PXDN: variants seen among roughly 807,000 people sequenced by gnomAD.
PXDN encodes peroxidasin homolog.
Under a neutral mutation model 140.3 loss-of-function variants are expected in PXDN, and 77 were observed. That is an observed-to-expected ratio of 0.55 (90% CI 0.46 to 0.66). PXDN has a LOEUF of 0.66. Ranked by LOEUF, PXDN falls within the 30% of genes least tolerant of loss-of-function variation. PXDN has a pLI of 0.00. For synonymous variants in PXDN, 911 were observed against 857.4 expected (o/e 1.06, Z -1.09); for missense variants, 1,838 against 2,039.5 (o/e 0.90, Z 1.90).
In PXDN at chr2:1,648,101, A is replaced by C; in HGVS notation, c.3608+71T>G. The C allele has an allele frequency of 6.5e-7, 1 of 1,526,814 alleles. No individual in the cohort carries two copies. Among genetic ancestry groups the C allele is most frequent in the Non-Finnish European group, 8.9e-7 (1 of 1,122,862 alleles). 94.6% of individuals were successfully genotyped at this position (1,526,814 alleles called of 1,614,324 possible). ...AAACTCACACACAGAGACAAATAAC[A>C]CACACACCACAGTTCAGGTGTTCCA... On this transcript the variant is annotated intron_variant, in intron 17 of 22. Coordinates refer to ENST00000252804, the MANE Select transcript of PXDN (RefSeq NM_012293.3). This position sits in a 1 kb window ranked among gnomAD's most constrained non-coding sequence, Gnocchi z 8.9.
At chr2:1,637,252 G>C (rs1299227543) in intron 21 of PXDN, among the ~76,000 whole-genome samples, 2 of 152,198 alleles carry the variant, frequency 1.3e-5, no homozygotes, top group South Asian at 4.1e-4. Context: ...CCCCAGCACG[G>C]ACCCCAAGGG....
At chr2:1,650,359 C>T (rs905030262) in intron 16 of PXDN, among the ~76,000 whole-genome samples, 10 of 152,240 alleles carry the variant, frequency 6.6e-5, no homozygotes, top group Non-Finnish European at 1.0e-4. Flanking sequence ...AGCAAGCGCA[C>T]GCTCCCATGA....
chr2:1,638,226 G>T (rs1278201797), intron 21 of PXDN, among the ~76,000 whole-genome samples: 1 of 152,116 alleles, frequency 6.6e-6, no homozygotes, highest in Admixed American at 6.6e-5. Flanking sequence ...CTTCTATTTA[G>T]CCATAGGTCT....
chr2:1,690,306 G>A (rs947132493), intron 3 of PXDN, among the ~76,000 whole-genome samples: 3 of 152,068 alleles, frequency 2.0e-5, no homozygotes, highest in Admixed American at 1.3e-4. Context: ...CCACCACCAG[G>A]GACACCGCAG....
chr2:1,673,585 A>C, intron 9 of PXDN, 58 bp downstream of exon 9: 1 of 1,549,762 alleles, frequency 6.5e-7, no homozygotes, highest in East Asian at 2.3e-5. Flanking sequence ...AGGAGAAGGC[A>C]GATAGTGAGG....
chr2:1,683,709 C>A lies in PXDN; in HGVS notation c.507G>T (p.Arg169=), dbSNP rs1309656764. The change falls in exon 6 of 23, where the codon CGG becomes CGT. Residue 169 remains arginine, a synonymous_variant. Coordinates refer to ENST00000252804, the MANE Select transcript of PXDN (RefSeq NM_012293.3). ...ATGTCCCTGGAACTAAATGTGTAAT[C>A]CGGTTGTTATGCAAAAATCTGTTGA... ...KLERLFLHNN[R]ITHLVPGTFN... is the part of the protein sequence containing the mutation. 6.2e-7 allele frequency: 1 copy of A among 1,604,104 alleles called. No homozygotes were observed. Among genetic ancestry groups the A allele is most frequent in the South Asian group, 1.1e-5 (1 of 87,778 alleles).
At chr2:1,677,472 G>A (rs1683748979) in intron 7 of PXDN, among the ~76,000 whole-genome samples, 1 of 152,224 alleles carries the variant, frequency 6.6e-6, no homozygotes, top group African/African-American at 2.4e-5. Flanking sequence ...GCACAGGCAG[G>A]TGGCAGACAC....
rs572643904 is a variant in PXDN at position 1,651,098 on chromosome 2, T to C, written c.2105-1423A>G. On this transcript the variant is annotated intron_variant, in intron 16 of 22. Transcript: ENST00000252804. The surrounding 1 kb of genome is among the most constrained non-coding windows in gnomAD (Gnocchi z 4.4). ...CCCCTGGTTCTGTTCTGTCTGACTTTTCCCAGAGGCTGAAACAGTGAGCTG... is the reference window on the plus strand; with the variant it reads ...CCCCTGGTTCTGTTCTGTCTGACTTCTCCCAGAGGCTGAAACAGTGAGCTG... 1.3e-5 allele frequency among the ~76,000 whole-genome samples: 2 copies of C among 152,236 alleles called. No individual in the cohort carries two copies. Among genetic ancestry groups the C allele is most frequent in the East Asian group, 3.9e-4 (2 of 5,158 alleles).
chr2:1,720,115 G>A (rs1478999407), intron 1 of PXDN, among the ~76,000 whole-genome samples: 6 of 47,414 alleles, frequency 1.3e-4, no homozygotes, highest in Non-Finnish European at 2.4e-4. Flanking sequence ...GGGAGGGAGG[G>A]ATGCAGAGAG....
Position 1,649,875 on chromosome 2 carries a change from C to A in PXDN, c.2105-200G>T, listed in dbSNP as rs1466428919. Among the ~76,000 whole-genome samples, 1 of 152,152 alleles carries A rather than the reference C, an allele frequency of 6.6e-6. No individual in the cohort carries two copies. Among genetic ancestry groups the A allele is most frequent in the Non-Finnish European group, 1.5e-5 (1 of 68,020 alleles). On this transcript the variant is annotated intron_variant, in intron 16 of 22. Transcript: ENST00000252804. The surrounding 1 kb of genome is among the most constrained non-coding windows in gnomAD (Gnocchi z 7.1). Reference sequence around the variant, plus strand: ...TAAAACTGCTCCTCCCCTCCTCCAGCCCCAAACACAGGTATTCTCTCCACA... The same window carrying A: ...TAAAACTGCTCCTCCCCTCCTCCAGACCCAAACACAGGTATTCTCTCCACA...
At chr2:1,711,250 A>G (rs111162156) in intron 1 of PXDN, among the ~76,000 whole-genome samples, 4,216 of 33,434 alleles carry the variant, frequency 0.13, 1,260 homozygotes, top group Admixed American at 0.2. Flanking sequence ...ACCAGCATCC[A>G]CTCTACCAGC....
Position 1,687,671 on chromosome 2 carries a change from T to A in PXDN, c.377A>T (p.Asp126Val). Reference protein sequence around the residue: ...YLYKNEIQSIDRQAFKGLASL... With the variant: ...YLYKNEIQSIVRQAFKGLASL... The stretch of plus-strand genomic sequence containing the variant: ...GGCAAGTCCCTTAAATGCTTGCCTG[T>A]CAATTGACTGGATCTCATTCTTGTA... The change falls in exon 4 of 23, where the codon GAC becomes GTC. Residue 126 changes from aspartate (D) to valine (V), a missense_variant. Asp to Val is a radical substitution (Grantham distance 152). This residue lies in a region of PXDN where 231 missense variants were observed against 201.5 expected (regional missense o/e 1.15). Coordinates refer to ENST00000252804, the MANE Select transcript of PXDN (RefSeq NM_012293.3). The surrounding 1 kb of genome is among the most constrained non-coding windows in gnomAD (Gnocchi z 4.0). 1 of 1,534,564 alleles carries A rather than the reference T, an allele frequency of 6.5e-7. No individual in the cohort carries two copies.
chr2:1,709,747 G>A (rs1684709249), intron 1 of PXDN, among the ~76,000 whole-genome samples: 1 of 152,192 alleles, frequency 6.6e-6, no homozygotes, highest in African/African-American at 2.4e-5. Context: ...CTGAGAACAA[G>A]CCCCATCATG....
rs1317308380 is a variant in PXDN, at chr2:1,660,024, C to T, written c.1837+857G>A. Among the ~76,000 whole-genome samples the T allele has an allele frequency of 6.6e-6, 1 of 152,144 alleles. No individual in the cohort carries two copies. Among genetic ancestry groups the T allele is most frequent in the Non-Finnish European group, 1.5e-5 (1 of 68,032 alleles). On this transcript the variant is annotated intron_variant, in intron 14 of 22. Transcript: ENST00000252804. The surrounding 1 kb of genome is among the most constrained non-coding windows in gnomAD (Gnocchi z 4.6). ...GGGGTGATGGCCAGAGGGTCCTTTA[C>T]CCCGTGAAGGGGGGTTTGTGCGCGT...
chr2:1,683,249 A>G (rs1196981528), intron 6 of PXDN, among the ~76,000 whole-genome samples: 2 of 151,640 alleles, frequency 1.3e-5, no homozygotes, highest in Non-Finnish European at 2.9e-5. Context: ...AACCAAAAAA[A>G]AAAACCCACA....
intron 7 of PXDN, among the ~76,000 whole-genome samples, chr2:1,678,719 C>T (rs1683790149): frequency 6.6e-6 from 1 of 152,236 alleles, no homozygotes; most frequent in Admixed American, 6.5e-5. Context: ...CCCTGAGCAC[C>T]GAGGGCCCTC....
intron 14 of PXDN, among the ~76,000 whole-genome samples, chr2:1,658,953 C>T (rs571114035): frequency 2.6e-5 from 4 of 152,328 alleles, no homozygotes; most frequent in South Asian, 2.1e-4. Flanking sequence ...ACCATCTGAG[C>T]GTGACTGCTC....
chr2:1,713,379 C>T (rs77372323), intron 1 of PXDN, among the ~76,000 whole-genome samples: 8,008 of 152,304 alleles, frequency 0.053, 405 homozygotes, highest in East Asian at 0.29. Context: ...CGAAAAGAAG[C>T]AGGTGGATCT....
chr2:1,646,279 C>T (rs947026960), intron 17 of PXDN: 2 of 152,212 alleles, frequency 1.3e-5, no homozygotes, highest in African/African-American at 4.8e-5. Flanking sequence ...AACTTCTTTA[C>T]CAGGGACCTA....
Sources: allele counts gnomAD v4.1 joint callset (sites outside exome capture counted in the v4.1 genomes callset), GRCh38; gene constraint gnomAD v4.1.1; regional missense constraint gnomAD v4.1.1; non-coding constraint Gnocchi (gnomAD v3.1); transcripts MANE v1.5; gene names NCBI Gene and HGNC (gene_info 2026-07-23, HGNC 2026-07-21).